Variants in RALGAPA1 observed in about 807,000 individuals in gnomAD.
The protein encoded by RALGAPA1 is Ral GTPase activating protein catalytic subunit alpha 1.
RALGAPA1 carries 52 observed loss-of-function variants against 269.6 expected under a neutral mutation model. The ratio of observed to expected loss-of-function variants is 0.19; its 90% confidence interval spans 0.15 to 0.24. The LOEUF (loss-of-function observed/expected upper bound fraction) is 0.24. RALGAPA1 is among the 10% of genes least tolerant of loss of function. RALGAPA1 has a pLI of 1.00. For synonymous variants in RALGAPA1, 817 were observed against 1,008.3 expected, an observed-to-expected ratio of 0.81 and a Z score of 3.60; for missense variants, 1,917 against 3,013.9, an observed-to-expected ratio of 0.64 and a Z score of 8.52.
chr14:35,588,209 G>A (rs1235803998), intron 37 of RALGAPA1, among the ~76,000 whole-genome samples: 5 of 152,302 alleles, frequency 3.3e-5, no homozygotes, highest in East Asian at 3.9e-4. Flanking sequence ...GATTACAGGC[G>A]TGAGCCATCG....
intron 36 of RALGAPA1, among the ~76,000 whole-genome samples, chr14:35,596,327 C>T (rs2058929423): frequency 6.6e-6 from 1 of 151,910 alleles, no homozygotes; most frequent in Admixed American, 6.6e-5. Context: ...TTTTTATTTT[C>T]TGATTATAAA....
At chr14:35,613,271 G>C (rs898107542) in intron 35 of RALGAPA1, among the ~76,000 whole-genome samples, 2 of 151,734 alleles carry the variant, frequency 1.3e-5, no homozygotes, top group Admixed American at 6.6e-5. Context: ...TAGTAGAGAC[G>C]GGGTTTCACT....
chr14:35,663,838 G>A (rs999502274), intron 27 of RALGAPA1, among the ~76,000 whole-genome samples: 6 of 151,942 alleles, frequency 3.9e-5, no homozygotes, highest in African/African-American at 9.7e-5. Flanking sequence ...TGATCTGCCC[G>A]CCTCGGCCTC....
At chr14:35,657,598 C>G (rs777029551) in intron 28 of RALGAPA1, among the ~76,000 whole-genome samples, 1 of 151,740 alleles carries the variant, frequency 6.6e-6, no homozygotes, top group Non-Finnish European at 1.5e-5. Context: ...ATAACACAAG[C>G]TGTTGTGTTA....
chr14:35,762,417 G>A (rs983752798), intron 5 of RALGAPA1, among the ~76,000 whole-genome samples: 4 of 151,912 alleles, frequency 2.6e-5, no homozygotes, highest in East Asian at 1.9e-4. Flanking sequence ...CACCACGCCC[G>A]GCTAATTTTT....
At chr14:35,693,362 T>G (rs1478125427) in intron 17 of RALGAPA1, among the ~76,000 whole-genome samples, 1 of 151,770 alleles carries the variant, frequency 6.6e-6, no homozygotes, top group Non-Finnish European at 1.5e-5. Context: ...AAACTTTGAA[T>G]TGCTAAAAAT....
At chr14:35,652,312 G>A (rs1371071163) in intron 30 of RALGAPA1, among the ~76,000 whole-genome samples, 1 of 151,694 alleles carries the variant, frequency 6.6e-6, no homozygotes, top group Non-Finnish European at 1.5e-5. Flanking sequence ...AAAAACCACT[G>A]TAATCCTATC....
At chr14:35,750,053 C>G (rs1175879709) in intron 9 of RALGAPA1, among the ~76,000 whole-genome samples, 1 of 152,038 alleles carries the variant, frequency 6.6e-6, no homozygotes, top group Admixed American at 6.6e-5. Flanking sequence ...TTTTATATCA[C>G]ATTTCTAGAC....
intron 1 of RALGAPA1, among the ~76,000 whole-genome samples, chr14:35,793,881 C>CGTAAAATCCTTTAGATGCA (rs1567244058): frequency 6.6e-6 from 1 of 152,012 alleles, no homozygotes; most frequent in Admixed American, 6.5e-5. Context: ...CTATAAGCCA[C>CGTAAAATCCTTTAGATGCA]GTAAAATCCT....
At chr14:35,804,723 C>T (rs1194902023) in intron 1 of RALGAPA1, among the ~76,000 whole-genome samples, 1 of 151,674 alleles carries the variant, frequency 6.6e-6, no homozygotes, top group Non-Finnish European at 1.5e-5. Context: ...TGCTTGAGTC[C>T]AGGAGCTTGC....
chr14:35,632,973 C>T (rs897704667), intron 33 of RALGAPA1, among the ~76,000 whole-genome samples: 44 of 152,272 alleles, frequency 2.9e-4, no homozygotes, highest in Admixed American at 2.8e-3. Flanking sequence ...TTTATCTGGT[C>T]CTTAAAACCT....
chr14:35,697,890 C>A (rs1332970648), intron 17 of RALGAPA1, among the ~76,000 whole-genome samples: 1 of 151,986 alleles, frequency 6.6e-6, no homozygotes, highest in Non-Finnish European at 1.5e-5. Flanking sequence ...ATTTTTAATT[C>A]AAAATAACTG....
At chr14:35,559,676 T>A (rs2055989256) in intron 39 of RALGAPA1, among the ~76,000 whole-genome samples, 1 of 152,190 alleles carries the variant, frequency 6.6e-6, no homozygotes, top group South Asian at 2.1e-4. Flanking sequence ...GACCATACTG[T>A]TACACTAAAT....
intron 4 of RALGAPA1, among the ~76,000 whole-genome samples, chr14:35,765,377 A>G (rs1442642013): frequency 1.3e-5 from 2 of 152,090 alleles, no homozygotes; most frequent in Non-Finnish European, 2.9e-5. Flanking sequence ...AAAAATCCCT[A>G]TAGGAATGTT....
chr14:35,690,350 AC>A (rs1942231057), intron 17 of RALGAPA1, among the ~76,000 whole-genome samples: 1 of 152,176 alleles, frequency 6.6e-6, no homozygotes, highest in Admixed American at 6.5e-5. Flanking sequence ...CTACTTATTT[AC>A]GTTCCAAGCA....
intron 37 of RALGAPA1, 62 bp downstream of exon 37, chr14:35,595,572 T>C (rs1026149279): frequency 3.6e-6 from 5 of 1,400,814 alleles, no homozygotes; most frequent in Non-Finnish European, 5.0e-6. Context: ...TACTTACGTA[T>C]TTTCTGTATT....
At chr14:35,766,141 A>T in intron 4 of RALGAPA1, 1 of 929,240 alleles carries the variant, frequency 1.1e-6, no homozygotes, top group Non-Finnish European at 1.8e-6. Flanking sequence ...CCTGCTGCCT[A>T]CTGTGGGCTT....
At chr14:35,629,986 G>A (rs1394897359) in intron 33 of RALGAPA1, among the ~76,000 whole-genome samples, 9 of 151,120 alleles carry the variant, frequency 6.0e-5, no homozygotes, top group Admixed American at 5.9e-4. Flanking sequence ...TAAAAAAAAA[G>A]GGAGACCAGT....
At chr14:35,801,124 T>C (rs2076940533) in intron 1 of RALGAPA1, among the ~76,000 whole-genome samples, 1 of 148,184 alleles carries the variant, frequency 6.7e-6, no homozygotes, top group African/African-American at 2.5e-5. Flanking sequence ...ATAGTTCTTT[T>C]AGAAGATCAA....
Sources: allele counts gnomAD v4.1 joint callset (sites outside exome capture counted in the v4.1 genomes callset), GRCh38; gene constraint gnomAD v4.1.1; transcripts MANE v1.5; gene names NCBI Gene and HGNC (gene_info 2026-07-23, HGNC 2026-07-21).